The following TRPM6 variants were observed in gnomAD, a reference collection of about 807,000 sequenced individuals.
The protein encoded by TRPM6 is transient receptor potential cation channel subfamily M member 6.
In TRPM6, 111 loss-of-function variants were observed where a neutral mutation model predicts 247.6. The ratio of observed to expected loss-of-function variants is 0.45; its 90% CI spans 0.38 to 0.52. The LOEUF (loss-of-function observed/expected upper bound fraction) is 0.52. TRPM6 is among the 20% of genes least tolerant of loss of function. The pLI, the probability that TRPM6 is intolerant of heterozygous loss-of-function variation, is 0.00. For missense variants in TRPM6, 2,126 were observed against 2,421.5 expected (o/e 0.88, Z 2.56); for synonymous variants, 892 against 853.8 (o/e 1.04, Z -0.78).
At chr9:74,830,275 C>A (rs1277275232) in intron 6 of TRPM6, among the ~76,000 whole-genome samples, 2 of 151,660 alleles carry the variant, frequency 1.3e-5, no homozygotes, top group Non-Finnish European at 2.9e-5. Context: ...TTATTTTATA[C>A]CTTAACAGAA....
At chr9:74,790,791 C>T (rs1023658570) in intron 19 of TRPM6, among the ~76,000 whole-genome samples, 1 of 152,212 alleles carries the variant, frequency 6.6e-6, no homozygotes, top group East Asian at 1.9e-4. Flanking sequence ...CAAACATATT[C>T]GATAAGTAGA....
intron 6 of TRPM6, among the ~76,000 whole-genome samples, chr9:74,830,125 A>G (rs1334705830): frequency 6.6e-6 from 1 of 152,182 alleles, no homozygotes; most frequent in African/African-American, 2.4e-5. Context: ...AGCAAATTTT[A>G]TCTTAAAAAA....
chr9:74,806,720 G>A (rs1828539068), intron 14 of TRPM6, among the ~76,000 whole-genome samples: 1 of 152,166 alleles, frequency 6.6e-6, no homozygotes, highest in Non-Finnish European at 1.5e-5. Flanking sequence ...CATGCACAGA[G>A]AAGTTAAGCT....
intron 37 of TRPM6, among the ~76,000 whole-genome samples, chr9:74,728,854 A>C (rs548329515): frequency 2.0e-5 from 3 of 152,234 alleles, no homozygotes; most frequent in Non-Finnish European, 4.4e-5. Flanking sequence ...ATCCTTACTC[A>C]TGGCTCTTTC....
At chr9:74,781,034 T>C (rs144574351) in intron 23 of TRPM6, among the ~76,000 whole-genome samples, 195 of 152,252 alleles carry the variant, frequency 1.3e-3, no homozygotes, top group African/African-American at 4.5e-3. Context: ...AAGGGGCCAG[T>C]TGGATCTCCA....
intron 15 of TRPM6, 89 bp downstream of exon 15, chr9:74,803,705 G>T: frequency 1.1e-6 from 1 of 930,338 alleles, no homozygotes. Context: ...CCCTCTATTT[G>T]CACCTCCCTT....
intron 37 of TRPM6, among the ~76,000 whole-genome samples, chr9:74,729,599 G>A (rs573314149): frequency 2.6e-5 from 4 of 152,260 alleles, no homozygotes; most frequent in East Asian, 1.9e-4. Context: ...GTATTTACCC[G>A]GCTGCCTAAG....
chr9:74,794,994 T>C (rs558169277), intron 18 of TRPM6, among the ~76,000 whole-genome samples: 1 of 152,060 alleles, frequency 6.6e-6, no homozygotes, highest in African/African-American at 2.4e-5. Context: ...CACTTAATTA[T>C]GCTCTGATAG....
intron 23 of TRPM6, among the ~76,000 whole-genome samples, chr9:74,780,052 G>A (rs1827377323): frequency 6.6e-6 from 1 of 151,670 alleles, no homozygotes; most frequent in African/African-American, 2.4e-5. Context: ...TGCACCTGTA[G>A]TCCCAGCTAC....
intron 27 of TRPM6, among the ~76,000 whole-genome samples, chr9:74,760,224 C>T (rs1489443036): frequency 3.3e-5 from 5 of 152,170 alleles, no homozygotes; most frequent in African/African-American, 4.8e-5. Flanking sequence ...ACTGACACTC[C>T]TAGAACAACT....
chr9:74,848,693 TGAAA>T (rs1382010847), intron 3 of TRPM6, among the ~76,000 whole-genome samples: 1 of 152,192 alleles, frequency 6.6e-6, no homozygotes, highest in Non-Finnish European at 1.5e-5. Flanking sequence ...ATGCCCCGCC[TGAAA>T]GAGTCAATAT....
intron 23 of TRPM6, among the ~76,000 whole-genome samples, chr9:74,780,190 A>T (rs574462544): frequency 3.5e-5 from 5 of 142,950 alleles, no homozygotes; most frequent in Non-Finnish European, 1.5e-5. Flanking sequence ...GACAGGGGCC[A>T]GGCATGGTGG....
chr9:74,762,657 G>A lies in TRPM6; in HGVS notation c.4014C>T (p.His1338=). Reference sequence around the variant, plus strand: ...CCAGAAGAAACTGGCCATACTTTGAGTGTGCTTGCCTGTTAGGAGACACCC... The same window carrying A: ...CCAGAAGAAACTGGCCATACTTTGAATGTGCTTGCCTGTTAGGAGACACCC... The part of the protein sequence containing the change: ...VSGVSPNRQA[H]SKYGQFLLVP... The change falls in exon 26 of 39, where the codon CAC becomes CAT. Residue 1338 remains histidine (H), a synonymous_variant. Transcript: ENST00000360774. 1 of 1,614,200 alleles carries A rather than the reference G, an allele frequency of 6.2e-7. No homozygotes were observed. Among genetic ancestry groups the A allele is most frequent in the Non-Finnish European group, 8.5e-7 (1 of 1,180,032 alleles).
chr9:74,874,578 A>G (rs771707006), intron 1 of TRPM6, among the ~76,000 whole-genome samples: 5 of 152,190 alleles, frequency 3.3e-5, no homozygotes. Flanking sequence ...ATGCTTCTTC[A>G]GTATTTAATT....
At chr9:74,881,675 T>G (rs992238122) in intron 1 of TRPM6, among the ~76,000 whole-genome samples, 1 of 152,268 alleles carries the variant, frequency 6.6e-6, no homozygotes, top group Middle Eastern at 3.4e-3. Flanking sequence ...ATAGACTATA[T>G]GGTAAAACAC....
At chr9:74,740,461 G>A (rs879933319) in intron 33 of TRPM6, among the ~76,000 whole-genome samples, 1 of 152,132 alleles carries the variant, frequency 6.6e-6, no homozygotes, top group East Asian at 1.9e-4. Flanking sequence ...AAAATGCTTA[G>A]GACCAGAAGT....
chr9:74,798,787 A>T (rs55972250), intron 17 of TRPM6, among the ~76,000 whole-genome samples: 1,948 of 152,356 alleles, frequency 0.013, 38 homozygotes, highest in Non-Finnish European at 0.018. Flanking sequence ...GACTTTAAGT[A>T]GCTAACTCAG....
At chr9:74,814,989 A>T (rs1313913432) in intron 11 of TRPM6, among the ~76,000 whole-genome samples, 2 of 152,116 alleles carry the variant, frequency 1.3e-5, no homozygotes, top group Non-Finnish European at 2.9e-5. Context: ...AAATTAAAAT[A>T]AAAAAATAAA....
chr9:74,762,765 C>G lies in TRPM6; in HGVS notation c.3906G>C (p.Glu1302Asp), dbSNP rs768230434. The stretch of plus-strand genomic sequence containing the variant: ...TAGCCTCTCTTTTACTGTTTGTAAT[C>G]TCAAGAAGTGCCCCCCTCTGCACTC... ...PPRVQRGALL[E>D]ITNSKREATN... The change falls in exon 26 of 39, where the codon GAG (glutamate) becomes GAC (aspartate). Residue 1302 changes from glutamate (E) to aspartate (D), a missense_variant. Glu to Asp is a conservative substitution (Grantham distance 45). Transcript: ENST00000360774. The G allele has an allele frequency of 1.9e-6, 3 of 1,614,176 alleles. No individual in the cohort carries two copies. In the East Asian group the frequency reaches 6.7e-5, roughly 36 times the overall value.
Sources: allele counts gnomAD v4.1 joint callset (sites outside exome capture counted in the v4.1 genomes callset), GRCh38; gene constraint gnomAD v4.1.1; transcripts MANE v1.5; gene names NCBI Gene and HGNC (gene_info 2026-07-23, HGNC 2026-07-21).